Variants in ZFAND3 observed in about 807,000 individuals in gnomAD.
The protein encoded by ZFAND3 is zinc finger AN1-type containing 3, also known as AN1-type zinc finger protein 3.
A neutral mutation model predicts 29.6 loss-of-function variants in ZFAND3; 10 were observed. That is an observed-to-expected ratio of 0.34 (90% CI 0.21 to 0.57). The LOEUF is 0.57. Among genes scored for constraint, ZFAND3 ranks in the 20% least tolerant of loss-of-function variants. ZFAND3 has a pLI of 0.86. For missense variants in ZFAND3, 230 were observed against 304.5 expected (o/e 0.76, Z 1.82); for synonymous variants, 128 against 112.6 (o/e 1.14, Z -0.87).
intron 2 of ZFAND3, among the ~76,000 whole-genome samples, chr6:38,010,480 TC>T (rs1276582701): frequency 1.3e-5 from 2 of 152,204 alleles, no homozygotes; most frequent in African/African-American, 2.4e-5. Context: ...TTAGATTAAT[TC>T]AGGTTTGGTG....
intron 1 of ZFAND3, among the ~76,000 whole-genome samples, chr6:37,914,672 C>CTTTTCTTTTTTT (rs1554157846): frequency 4.4e-5 from 5 of 114,210 alleles, no homozygotes; most frequent in African/African-American, 7.1e-5. Flanking sequence ...CTTTTTTTTT[C>CTTTTCTTTTTTT]TTTTTTTTTT....
intron 2 of ZFAND3, among the ~76,000 whole-genome samples, chr6:37,977,526 C>T (rs1463403168): frequency 1.3e-5 from 2 of 152,108 alleles, no homozygotes; most frequent in African/African-American, 4.8e-5. Context: ...TGGTCTTGAA[C>T]TCCTGACCTC....
intron 2 of ZFAND3, among the ~76,000 whole-genome samples, chr6:37,970,390 C>G (rs1475708681): frequency 6.6e-6 from 1 of 152,116 alleles, no homozygotes; most frequent in Non-Finnish European, 1.5e-5. Flanking sequence ...AAAGATTTTG[C>G]ATGTCAAGAT....
chr6:38,012,601 A>G (rs1187420028), intron 2 of ZFAND3, among the ~76,000 whole-genome samples: 1 of 151,088 alleles, frequency 6.6e-6, no homozygotes, highest in African/African-American at 2.4e-5. Context: ...CTGATCTTGA[A>G]CTCCTGACCT....
intron 1 of ZFAND3, among the ~76,000 whole-genome samples, chr6:37,820,240 C>T (rs1763638307): frequency 6.6e-6 from 1 of 151,978 alleles, no homozygotes; most frequent in African/African-American, 2.4e-5. Context: ...CCCTTTGGGA[C>T]TCGCCGGCCT....
At chr6:37,823,802 G>T (rs259720) in intron 1 of ZFAND3, among the ~76,000 whole-genome samples, 75,114 of 145,454 alleles carry the variant, frequency 0.52, 19,396 homozygotes, top group Non-Finnish European at 0.59. Context: ...ATTTTTTTTT[G>T]GGGGGGGGTA....
chr6:38,073,562 AAC>A (rs1460363975), intron 3 of ZFAND3, among the ~76,000 whole-genome samples: 2 of 152,206 alleles, frequency 1.3e-5, no homozygotes, highest in Non-Finnish European at 2.9e-5. Flanking sequence ...AGAAAAACAA[AAC>A]AGTGTCTAAA....
intron 2 of ZFAND3, among the ~76,000 whole-genome samples, chr6:38,016,895 T>C (rs187049133): frequency 6.6e-5 from 10 of 152,272 alleles, no homozygotes; most frequent in Admixed American, 5.2e-4. Context: ...GCTCAGATAT[T>C]CATAATCCAT....
chr6:37,959,827 C>T (rs56023538), intron 2 of ZFAND3, among the ~76,000 whole-genome samples: 25,462 of 152,110 alleles, frequency 0.17, 2,331 homozygotes, highest in East Asian at 0.33. Flanking sequence ...ATTTAAACTG[C>T]TTTCTTCTTG....
At chr6:37,848,673 C>G (rs1764224852) in intron 1 of ZFAND3, among the ~76,000 whole-genome samples, 1 of 152,188 alleles carries the variant, frequency 6.6e-6, no homozygotes, top group South Asian at 2.1e-4. Flanking sequence ...ATGAAACTTA[C>G]AAACTGGAGA....
rs1766289014 is a variant in ZFAND3 at position 38,153,846 on chromosome 6, G to A, written c.*1457G>A. 2 of 985,418 alleles carry A rather than the reference G, an allele frequency of 2.0e-6. No homozygotes were observed. Among genetic ancestry groups the A allele is most frequent in the South Asian group, 4.7e-5 (1 of 21,290 alleles). 61.0% of individuals were successfully genotyped at this position (985,418 alleles called of 1,614,324 possible). On this transcript the variant is annotated 3_prime_UTR_variant, in exon 6 of 6. Transcript: ENST00000287218. ...GGTGAGGGCAGGAGGCCCCTGCGGAGGCAGCGTGGATCTGCCCACACATAG... is the reference window on the plus strand; with the variant it reads ...GGTGAGGGCAGGAGGCCCCTGCGGAAGCAGCGTGGATCTGCCCACACATAG...
intron 1 of ZFAND3, among the ~76,000 whole-genome samples, chr6:37,837,464 G>A (rs1763989616): frequency 1.3e-5 from 2 of 150,828 alleles, no homozygotes; most frequent in South Asian, 4.2e-4. Context: ...CATTGGAACT[G>A]TGTAATCAGA....
At chr6:37,960,650 T>C (rs1208908341) in intron 2 of ZFAND3, among the ~76,000 whole-genome samples, 1 of 152,192 alleles carries the variant, frequency 6.6e-6, no homozygotes, top group Non-Finnish European at 1.5e-5. Context: ...GTTTAGAAAA[T>C]GTTGCTGTAT....
At chr6:37,873,677 G>A (rs546952499) in intron 1 of ZFAND3, among the ~76,000 whole-genome samples, 3 of 152,278 alleles carry the variant, frequency 2.0e-5, no homozygotes, top group Admixed American at 1.3e-4. Context: ...TCTTCTTAGG[G>A]AGCATGTACA....
intron 5 of ZFAND3, among the ~76,000 whole-genome samples, chr6:38,120,304 C>T (rs182688131): frequency 8.3e-4 from 108 of 129,850 alleles, no homozygotes; most frequent in African/African-American, 2.9e-3. Flanking sequence ...TTGATTGATA[C>T]ACGTAGCTTG....
chr6:38,044,221 T>G (rs908111083), intron 2 of ZFAND3, among the ~76,000 whole-genome samples: 1 of 152,210 alleles, frequency 6.6e-6, no homozygotes, highest in African/African-American at 2.4e-5. Context: ...AAACTGACCC[T>G]TTTCACACTT....
chr6:37,848,754 G>A (rs968883262), intron 1 of ZFAND3, among the ~76,000 whole-genome samples: 7 of 152,092 alleles, frequency 4.6e-5, no homozygotes, highest in African/African-American at 1.4e-4. Context: ...AAACTTGGGA[G>A]GGTTGTGTTT....
intron 1 of ZFAND3, among the ~76,000 whole-genome samples, chr6:37,902,160 G>C (rs140788516): frequency 2.4e-4 from 36 of 152,202 alleles, no homozygotes; most frequent in African/African-American, 7.2e-4. Context: ...GAATATAATA[G>C]CATTATGGCC....
At chr6:38,110,506 C>G (rs753228157) in intron 4 of ZFAND3, among the ~76,000 whole-genome samples, 3 of 151,872 alleles carry the variant, frequency 2.0e-5, no homozygotes, top group Non-Finnish European at 4.4e-5. Context: ...TTTTCGTGGA[C>G]AAAGGTTTTA....
Sources: gnomAD v4.1 joint callset for allele counts (sites outside exome capture counted in the v4.1 genomes callset) on GRCh38, gnomAD v4.1.1 for gene constraint, MANE v1.5 for transcripts, NCBI Gene and HGNC (gene_info 2026-07-23, HGNC 2026-07-21) for gene names.